RFC5: variants seen among roughly 807,000 people sequenced by gnomAD.
RFC5 encodes A1 36 kDa subunit.
RFC5 carries 26 observed loss-of-function variants against 44.3 expected under a neutral mutation model. The ratio of observed to expected loss-of-function variants is 0.59; its 90% confidence interval spans 0.43 to 0.81. The LOEUF is 0.81. Among genes scored for constraint, RFC5 ranks in the 40% least tolerant of loss-of-function variants. The pLI, the probability that RFC5 is intolerant of heterozygous loss-of-function variation, is 0.00. For missense variants in RFC5, 328 were observed against 418.6 expected, an observed-to-expected ratio of 0.78 and a Z score of 1.89; for synonymous variants, 155 against 155.2, an observed-to-expected ratio of 1.00 and a Z score of 0.01.
downstream of RFC5, chr12:118,034,617 C>A (rs75791403): frequency 0.043 from 21,296 of 493,060 alleles, 692 homozygotes; most frequent in South Asian, 0.083. Context: ...CTAAATCTGA[C>A]CACAGTTAGT....
downstream of RFC5, chr12:118,035,389 C>CCCTGG (rs1350566625): frequency 4.0e-6 from 6 of 1,483,142 alleles, no homozygotes; most frequent in Non-Finnish European, 5.6e-6. Context: ...TCCATCATCA[C>CCCTGG]CCTAGGCAGG....
At chr12:118,017,732 G>A in intron 1 of RFC5, 1 of 684,432 alleles carries the variant, frequency 1.5e-6, no homozygotes, top group Non-Finnish European at 2.5e-6. Context: ...GCGCAGTGGT[G>A]TGATCACAGC....
intron 7 of RFC5, 27 bp from the exon 8 acceptor site, chr12:118,026,862 C>T (rs2030978811): frequency 6.2e-7 from 1 of 1,603,046 alleles, no homozygotes; most frequent in African/African-American, 1.3e-5. Flanking sequence ...CCACTGTGAT[C>T]TCCCCTTTCC....
chr12:118,024,710 C>A (rs573202930), intron 5 of RFC5, 141 bp from the exon 6 acceptor site: 3 of 699,862 alleles, frequency 4.3e-6, no homozygotes, highest in East Asian at 5.3e-5. Context: ...TAAGCCACTA[C>A]GCCCGGCCAA....
intron 3 of RFC5, among the ~76,000 whole-genome samples, chr12:118,020,408 T>C: frequency 6.6e-6 from 1 of 152,270 alleles, no homozygotes; most frequent in Admixed American, 6.5e-5. Context: ...TGTTTAATTC[T>C]CTTCAAATTG....
chr12:118,038,743 C>T, the RFC5 span, among the ~76,000 whole-genome samples: 9 of 152,208 alleles, frequency 5.9e-5, no homozygotes, highest in African/African-American at 1.4e-4. Flanking sequence ...TACAGTGGCG[C>T]GATCTCAGCT....
chr12:118,018,183 A>G (rs915785127), intron 1 of RFC5: 56 of 575,768 alleles, frequency 9.7e-5, no homozygotes, highest in African/African-American at 7.2e-4. Flanking sequence ...ATCATATTCC[A>G]TTGTATGGAC....
intron 1 of RFC5, chr12:118,017,595 G>A (rs1385820941): frequency 5.2e-6 from 5 of 953,954 alleles, no homozygotes; most frequent in Non-Finnish European, 6.6e-6. Context: ...TCATTGTCTA[G>A]TAACTAGTTC....
chr12:118,019,831 C>T lies in RFC5; in HGVS notation c.267+63C>T. ...AGACTCCAGTCTCTTAATTTCAGTTCTGCTGGTTTTATTTTACTTTAAAAG... is the reference window on the plus strand; with the variant it reads ...AGACTCCAGTCTCTTAATTTCAGTTTTGCTGGTTTTATTTTACTTTAAAAG... On this transcript the variant is annotated intron_variant, in intron 3 of 10. Coordinates refer to ENST00000454402, the MANE Select transcript of RFC5 (RefSeq NM_007370.7). This position sits in a 1 kb window ranked among gnomAD's most constrained non-coding sequence, Gnocchi z 4.2. 7.3e-7 allele frequency: 1 copy of T among 1,370,958 alleles called. No individual in the cohort carries two copies. The highest frequency in any genetic ancestry group is 1.0e-6 in the Non-Finnish European group (1 of 986,122). 84.9% of individuals were successfully genotyped at this position (1,370,958 alleles called of 1,614,324 possible).
At chr12:118,040,590 G>A in the RFC5 span, among the ~76,000 whole-genome samples, 5 of 150,820 alleles carry the variant, frequency 3.3e-5, no homozygotes, top group Admixed American at 1.3e-4. Flanking sequence ...GCAAAACCCC[G>A]TCTCTACTAA....
downstream of RFC5, chr12:118,035,276 G>A (rs1329346211): frequency 1.2e-6 from 2 of 1,614,240 alleles, no homozygotes; most frequent in South Asian, 2.2e-5. Flanking sequence ...ATCTCAGTGA[G>A]CTAATGTGGA....
chr12:118,034,593 CG>C, downstream of RFC5: 1 of 541,842 alleles, frequency 1.8e-6, no homozygotes, highest in Non-Finnish European at 3.2e-6. Context: ...GTCTCTCTCT[CG>C]GCACAGCCCT....
chr12:118,033,585 C>G (rs73217914), downstream of RFC5: 2,308 of 150,250 alleles, frequency 0.015, 32 homozygotes, highest in Middle Eastern at 0.043. Flanking sequence ...GTGTCTGGAT[C>G]GGTCAGGAGC....
At chr12:118,022,452 T>G in intron 5 of RFC5, 93 bp downstream of exon 5, 1 of 909,626 alleles carries the variant, frequency 1.1e-6, no homozygotes, top group Non-Finnish European at 1.8e-6. Flanking sequence ...ATTGTTTTTT[T>G]AGGCGGGGGG....
At position 118,019,108 on chromosome 12, in the gene RFC5, C is replaced by T; in HGVS notation, c.102C>T (p.Leu34=). 1 of 1,613,058 alleles carries T rather than the reference C, an allele frequency of 6.2e-7. No individual in the cohort carries two copies. The highest frequency in any genetic ancestry group is 8.5e-7 in the Non-Finnish European group (1 of 1,179,114). Residue 34 remains leucine, a synonymous_variant, in exon 2 of 11, where the codon CTC becomes CTT. Transcript: ENST00000454402. This position sits in a 1 kb window ranked among gnomAD's most constrained non-coding sequence, Gnocchi z 4.2. ...EKYRPQTLND[L]ISHQDILSTI... Reference sequence around the variant, plus strand: ...ACCGGCCACAGACCCTGAATGATCTCATTTCTCATCAGGACATTCTGAGTA... The same window carrying T: ...ACCGGCCACAGACCCTGAATGATCTTATTTCTCATCAGGACATTCTGAGTA...
the RFC5 span, chr12:118,038,197 G>A: frequency 9.6e-6 from 12 of 1,255,988 alleles, no homozygotes; most frequent in Non-Finnish European, 1.2e-5. Flanking sequence ...GGGTGGATTT[G>A]CGGACGATTT....
intron 5 of RFC5, 104 bp downstream of exon 5, chr12:118,022,463 G>C (rs776823526): frequency 4.8e-6 from 4 of 829,382 alleles, no homozygotes; most frequent in Non-Finnish European, 7.9e-6. Flanking sequence ...AGGCGGGGGG[G>C]AGTTTTTTTT....
At chr12:118,022,023 AGGGT>A (rs1365796200) in intron 4 of RFC5, among the ~76,000 whole-genome samples, 2 of 152,294 alleles carry the variant, frequency 1.3e-5, no homozygotes, top group East Asian at 3.9e-4. Flanking sequence ...GTAGCATGGT[AGGGT>A]GCCATGTGGA....
chr12:118,034,126 CATT>C, downstream of RFC5: 2 of 1,586,938 alleles, frequency 1.3e-6, no homozygotes, highest in Non-Finnish European at 1.7e-6. Flanking sequence ...ATGTTTGGCC[CATT>C]ATTCCAGCAA....
Sources: allele counts gnomAD v4.1 joint callset (sites outside exome capture counted in the v4.1 genomes callset), GRCh38; gene constraint gnomAD v4.1.1; non-coding constraint Gnocchi (gnomAD v3.1); transcripts MANE v1.5; gene names NCBI Gene and HGNC (gene_info 2026-07-23, HGNC 2026-07-21).